The following CDKAL1 variants were observed in gnomAD, a reference collection of about 807,000 sequenced individuals.
CDKAL1 encodes threonylcarbamoyladenosine tRNA methylthiotransferase.
A neutral mutation model predicts 68.2 loss-of-function variants in CDKAL1; 32 were observed. The observed-to-expected ratio is 0.47, with a 90% CI of 0.35 to 0.63. The LOEUF is 0.63. CDKAL1 is among the 30% of genes least tolerant of loss of function. The pLI is 0.00. For synonymous variants in CDKAL1, 234 were observed against 244.3 expected (o/e 0.96, Z 0.39); for missense variants, 606 against 696.7 (o/e 0.87, Z 1.47).
chr6:21,205,840 T>TC lies in CDKAL1; in HGVS notation c.1548+4566_1548+4567insC, dbSNP rs1364853677. 3.8e-5 allele frequency among the ~76,000 whole-genome samples: 5 copies of TC among 131,284 alleles called. No individual in the cohort carries two copies. The East Asian group carries it at 1.1e-3, about 29-fold the overall frequency. 86.1% of individuals were successfully genotyped at this position (131,284 alleles called of 152,430 possible). A position where few individuals can be genotyped will look rare whatever the true frequency, so the allele number is the denominator to read the frequency against. ...GCCCCCGCGCCCAGCCTTTTTTTTT[T>TC]TTTTTTTTTTTTGAGACAGAGTCTT... On this transcript the variant is annotated intron_variant, in intron 15 of 15. Coordinates refer to ENST00000274695, the MANE Select transcript of CDKAL1 (RefSeq NM_017774.3).
chr6:21,127,909 C>T (rs1027642705), intron 13 of CDKAL1, among the ~76,000 whole-genome samples: 4 of 152,148 alleles, frequency 2.6e-5, no homozygotes, highest in Admixed American at 2.6e-4. Context: ...ATTGCTTTGC[C>T]ATTTAACTAC....
chr6:20,959,327 T>G (rs921672734), intron 10 of CDKAL1, among the ~76,000 whole-genome samples: 3 of 152,160 alleles, frequency 2.0e-5, no homozygotes, highest in African/African-American at 7.2e-5. Flanking sequence ...ACTCTGGAAT[T>G]GAAGAAATAT....
chr6:21,088,412 G>A (rs773826172), intron 12 of CDKAL1, among the ~76,000 whole-genome samples: 50 of 152,064 alleles, frequency 3.3e-4, no homozygotes, highest in Non-Finnish European at 5.4e-4. Flanking sequence ...ATTGGTTTTC[G>A]GTTGTCATTT....
chr6:21,133,455 G>C (rs1239792971), intron 13 of CDKAL1, among the ~76,000 whole-genome samples: 1 of 152,096 alleles, frequency 6.6e-6, no homozygotes, highest in East Asian at 1.9e-4. Flanking sequence ...TATCCCAGTG[G>C]GACAGTGTAG....
chr6:20,588,186 TTAA>T lies in CDKAL1; in HGVS notation c.286+39484_286+39486del, dbSNP rs149381014. Among the ~76,000 whole-genome samples the T allele has an allele frequency of 3.6e-3, 551 of 152,338 alleles. 5 individuals are homozygous for T. Among genetic ancestry groups the T allele is most frequent in the African/African-American group, 0.013 (530 of 41,574 alleles). ...GAATATTTGATGGGTTTAATACTTG[TTAA>T]TATCCAGTAGAGATAATTAAGGCTG... On this transcript the variant is annotated intron_variant, in intron 4 of 15. Coordinates refer to ENST00000274695, the MANE Select transcript of CDKAL1 (RefSeq NM_017774.3).
At chr6:20,948,511 T>C (rs1764368756) in intron 9 of CDKAL1, among the ~76,000 whole-genome samples, 1 of 152,208 alleles carries the variant, frequency 6.6e-6, no homozygotes, top group African/African-American at 2.4e-5. Context: ...CTCGATAAGT[T>C]TTTATCACCA....
chr6:20,853,690 A>G (rs1433220853), intron 9 of CDKAL1, among the ~76,000 whole-genome samples: 1 of 152,204 alleles, frequency 6.6e-6, no homozygotes, highest in Non-Finnish European at 1.5e-5. Flanking sequence ...CAATTACATC[A>G]CAATTTCCAT....
intron 5 of CDKAL1, among the ~76,000 whole-genome samples, chr6:20,676,698 TAAATAAAATA>T (rs1554175380): frequency 1.2e-5 from 1 of 80,752 alleles, no homozygotes; most frequent in African/African-American, 6.9e-5. Context: ...AATAAATAAA[TAAATAAAATA>T]AAATAAAATA....
chr6:20,588,487 ATCT>A lies in CDKAL1; in HGVS notation c.286+39787_286+39789del, dbSNP rs1765466016. Among the ~76,000 whole-genome samples, 5 of 152,246 alleles carry A rather than the reference ATCT, an allele frequency of 3.3e-5. No individual in the cohort carries two copies. In the South Asian group the frequency reaches 8.3e-4, roughly 25 times the overall value. ...CTATGTCCATGGAACAGCTTTAAAAATCTTCTTTAATCTCTGAGATGAGGCAGT... is the reference window on the plus strand; with the variant it reads ...CTATGTCCATGGAACAGCTTTAAAAATCTTTAATCTCTGAGATGAGGCAGT... On this transcript the variant is annotated intron_variant, in intron 4 of 15. Coordinates refer to ENST00000274695, the MANE Select transcript of CDKAL1 (RefSeq NM_017774.3).
chr6:20,664,930 A>G (rs995959847), intron 5 of CDKAL1, among the ~76,000 whole-genome samples: 2 of 152,094 alleles, frequency 1.3e-5, no homozygotes, highest in African/African-American at 4.8e-5. Flanking sequence ...TGGCCTGAGT[A>G]TGTATTTTCG....
intron 4 of CDKAL1, among the ~76,000 whole-genome samples, chr6:20,605,187 C>T (rs1766280297): frequency 6.6e-6 from 1 of 152,144 alleles, no homozygotes; most frequent in Non-Finnish European, 1.5e-5. Context: ...TTAGTACTTC[C>T]ATCCCCAACA....
rs76498855 is a variant in CDKAL1 at position 20,541,260 on chromosome 6, C to T, written c.-5-5086C>T. ...CTCTTTTTTGCAAGAACAGAATACC[C>T]ACCTCAAACTGATTTAAGCCACAGG... is the stretch of plus-strand genomic sequence containing the variant. On this transcript the variant is annotated intron_variant, in intron 2 of 15. Coordinates refer to ENST00000274695, the MANE Select transcript of CDKAL1 (RefSeq NM_017774.3). 6.9e-3 allele frequency among the ~76,000 whole-genome samples: 1,045 copies of T among 152,280 alleles called. 10 individuals are homozygous for T. Among genetic ancestry groups the T allele is most frequent in the African/African-American group, 0.024 (992 of 41,546 alleles).
chr6:21,028,584 C>G (rs997517135), intron 11 of CDKAL1, among the ~76,000 whole-genome samples: 11 of 152,204 alleles, frequency 7.2e-5, no homozygotes, highest in Non-Finnish European at 1.5e-4. Context: ...TATAAGGACA[C>G]CAATTCTATC....
At chr6:20,686,490 A>AGGG (rs1770630591) in intron 5 of CDKAL1, among the ~76,000 whole-genome samples, 1 of 152,182 alleles carries the variant, frequency 6.6e-6, no homozygotes, top group East Asian at 1.9e-4. Flanking sequence ...CATCACCCCC[A>AGGG]GATGGGACCT....
intron 9 of CDKAL1, among the ~76,000 whole-genome samples, chr6:20,899,218 C>G (rs1761849370): frequency 6.6e-6 from 1 of 151,976 alleles, no homozygotes; most frequent in Admixed American, 6.6e-5. Flanking sequence ...GTGCCCGCCA[C>G]CACACCTGGA....
intron 12 of CDKAL1, among the ~76,000 whole-genome samples, chr6:21,070,561 C>G (rs1265336545): frequency 3.9e-5 from 6 of 151,922 alleles, no homozygotes; most frequent in Admixed American, 3.9e-4. Flanking sequence ...ATTTATCCTG[C>G]TTGAGGATTC....
At chr6:20,862,600 T>C (rs972535681) in intron 9 of CDKAL1, among the ~76,000 whole-genome samples, 2 of 152,158 alleles carry the variant, frequency 1.3e-5, no homozygotes, top group Non-Finnish European at 2.9e-5. Context: ...AAGAAATGAC[T>C]GTTGACATTC....
At chr6:20,645,839 C>T (rs7739974) in intron 4 of CDKAL1, among the ~76,000 whole-genome samples, 1 of 150,934 alleles carries the variant, frequency 6.6e-6, no homozygotes, top group East Asian at 1.9e-4. Flanking sequence ...GTTTGTTAAA[C>T]GCTAAGACAG....
intron 8 of CDKAL1, among the ~76,000 whole-genome samples, chr6:20,822,388 A>G (rs1435560261): frequency 2.6e-5 from 4 of 152,176 alleles, no homozygotes. Context: ...AAGTTGAAGT[A>G]TCACTGAATA....
Sources: gnomAD v4.1 joint callset for allele counts (sites outside exome capture counted in the v4.1 genomes callset) on GRCh38, gnomAD v4.1.1 for gene constraint, MANE v1.5 for transcripts, NCBI Gene and HGNC (gene_info 2026-07-23, HGNC 2026-07-21) for gene names.